ZNF611: variants seen among roughly 807,000 people sequenced by gnomAD.
ZNF611 encodes the protein zinc finger protein 611.
Under a neutral mutation model 8.9 loss-of-function variants are expected in ZNF611, and 6 were observed. That is an observed-to-expected ratio of 0.68 (90% CI 0.37 to 1.34). The LOEUF is 1.34. Among genes scored for constraint, ZNF611 ranks in the 40% most tolerant of loss-of-function variants. ZNF611 has a pLI of 0.02. For synonymous variants in ZNF611, 262 were observed against 279.7 expected (o/e 0.94, Z 0.63); for missense variants, 874 against 841.3 (o/e 1.04, Z -0.48).
chr19:52,734,743 G>C (rs2062447231), intron 1 of ZNF611, among the ~76,000 whole-genome samples: 1 of 151,726 alleles, frequency 6.6e-6, no homozygotes, highest in Non-Finnish European at 1.5e-5. Flanking sequence ...GTCAGAACAA[G>C]GTTTTCAGCA....
intron 3 of ZNF611, 72 bp from the exon 4 acceptor site, chr19:52,715,985 C>T (rs1054966155): frequency 2.7e-5 from 42 of 1,552,374 alleles, no homozygotes; most frequent in Admixed American, 8.8e-5. Flanking sequence ...AACACACGAA[C>T]GGGGGAGACG....
chr19:52,719,843 A>G (rs2062342756), intron 3 of ZNF611, among the ~76,000 whole-genome samples: 1 of 152,168 alleles, frequency 6.6e-6, no homozygotes, highest in South Asian at 2.1e-4. Context: ...TCATACGACA[A>G]TAGTGGAGAG....
Position 52,706,114 on chromosome 19 carries a change from C to T in ZNF611, c.941G>A (p.Arg314His), listed in dbSNP as rs144132013. 320 of 1,613,826 alleles carry T rather than the reference C, an allele frequency of 2.0e-4. No individual in the cohort carries two copies. The African/African-American group carries it at 3.3e-3, about 17-fold the overall frequency. ...CHRRLHTGVK[R>H]YNCNECGKIF... ...CTTGCCACACTCATTACAATTGTAA[C>T]GTTTTACTCCAGTATGAAGTCTACG... Residue 314 changes from arginine to histidine, a missense_variant, in exon 6 of 6, where the codon CGT becomes CAT. Transcript: ENST00000652185.
chr19:52,732,256 C>T (rs575225883), intron 1 of ZNF611, among the ~76,000 whole-genome samples: 2 of 151,760 alleles, frequency 1.3e-5, no homozygotes, highest in South Asian at 4.2e-4. Context: ...GGTGACAGAG[C>T]AAAACTCCAT....
chr19:52,731,539 T>C (rs1358897102), intron 1 of ZNF611, among the ~76,000 whole-genome samples: 1 of 146,750 alleles, frequency 6.8e-6, no homozygotes. Flanking sequence ...AATTTTTGTA[T>C]TTTTTTTTTT....
At chr19:52,734,538 G>GA (rs1428718115) in intron 1 of ZNF611, among the ~76,000 whole-genome samples, 2 of 17,808 alleles carry the variant, frequency 1.1e-4, no homozygotes, top group Non-Finnish European at 2.4e-4. Context: ...GTGCGGGGCG[G>GA]GGGGGGGGGG....
chr19:52,712,809 G>A (rs754219067), intron 5 of ZNF611, among the ~76,000 whole-genome samples: 1 of 152,150 alleles, frequency 6.6e-6, no homozygotes, highest in African/African-American at 2.4e-5. Flanking sequence ...ATAGTAAAGA[G>A]AAGAAACCAA....
intron 3 of ZNF611, among the ~76,000 whole-genome samples, chr19:52,725,052 C>G (rs1374754194): frequency 6.6e-6 from 1 of 152,178 alleles, no homozygotes; most frequent in Non-Finnish European, 1.5e-5. Flanking sequence ...GTCCCTCTCT[C>G]TATCTCCTCA....
intron 5 of ZNF611, chr19:52,707,682 T>C (rs1204322775): frequency 6.6e-6 from 1 of 152,124 alleles, no homozygotes. Flanking sequence ...CACTCCAGCT[T>C]GGAGTGCCAT....
At chr19:52,732,276 G>A (rs1340691155) in intron 1 of ZNF611, among the ~76,000 whole-genome samples, 1 of 151,520 alleles carries the variant, frequency 6.6e-6, no homozygotes, top group Non-Finnish European at 1.5e-5. Context: ...TCTCAAAAAA[G>A]AAAAAAGAAA....
intron 1 of ZNF611, among the ~76,000 whole-genome samples, chr19:52,731,926 A>T (rs2062428165): frequency 6.6e-6 from 1 of 151,164 alleles, no homozygotes; most frequent in African/African-American, 2.4e-5. Flanking sequence ...AGCTGAGATC[A>T]TGCCATCGCA....
In ZNF611 at chr19:52,705,396, C is replaced by T; in HGVS notation, c.1659G>A (p.Leu553=). ...CACTATGAATTCTAGTATGTTTTGCCAGATAGGAATGACACGCAAAAGCCT... is the reference window on the plus strand; with the variant it reads ...CACTATGAATTCTAGTATGTTTTGCTAGATAGGAATGACACGCAAAAGCCT... The part of the protein sequence containing the change: ...CDKAFACHSY[L]AKHTRIHSGE... Residue 553 remains leucine (L), a synonymous_variant, in exon 6 of 6, where the codon CTG becomes CTA. Transcript: ENST00000652185. 3 of 1,613,992 alleles carry T rather than the reference C, an allele frequency of 1.9e-6. No homozygotes were observed. Among genetic ancestry groups the T allele is most frequent in the Non-Finnish European group, 2.5e-6 (3 of 1,180,018 alleles).
Position 52,705,209 on chromosome 19 carries a change from G to C in ZNF611, c.1846C>G (p.His616Asp). The C allele has an allele frequency of 6.2e-7, 1 of 1,614,162 alleles. No homozygotes were observed. Among genetic ancestry groups the C allele is most frequent in the Non-Finnish European group, 8.5e-7 (1 of 1,180,024 alleles). ...RSSLHCHRRLHSGEKPYKCNE... is the reference protein window; with the variant it reads ...RSSLHCHRRLDSGEKPYKCNE... Reference sequence around the variant, plus strand: ...CACTTGTAAGGTTTCTCACCACTATGAAGTCTACGATGGCAATGAAGGGAT... The same window carrying C: ...CACTTGTAAGGTTTCTCACCACTATCAAGTCTACGATGGCAATGAAGGGAT... Residue 616 changes from histidine to aspartate, a missense_variant, in exon 6 of 6, where the codon CAT (histidine) becomes GAT (aspartate). By Grantham distance (81) the His-to-Asp change is moderately conservative. Transcript: ENST00000652185.
intron 3 of ZNF611, among the ~76,000 whole-genome samples, chr19:52,719,427 G>C (rs555066219): frequency 3.8e-4 from 58 of 152,280 alleles, no homozygotes; most frequent in Non-Finnish European, 6.2e-4. Flanking sequence ...TGGCTGAAGA[G>C]GGGTTGCAGA....
chr19:52,727,809 A>C (rs550360367), intron 3 of ZNF611, among the ~76,000 whole-genome samples: 41 of 152,252 alleles, frequency 2.7e-4, no homozygotes, highest in Non-Finnish European at 5.4e-4. Context: ...CAAGGCTCAG[A>C]ATTATTTACA....
chr19:52,720,747 G>A (rs2062352747), intron 3 of ZNF611, among the ~76,000 whole-genome samples: 1 of 149,972 alleles, frequency 6.7e-6, no homozygotes, highest in Admixed American at 6.6e-5. Flanking sequence ...CAGACGGGGT[G>A]GCCAGGCAGA....
At chr19:52,717,711 C>A (rs1341764968) in intron 3 of ZNF611, 8 of 984,102 alleles carry the variant, frequency 8.1e-6, no homozygotes, top group Non-Finnish European at 9.6e-6. Context: ...ATATTATGGA[C>A]CAGAGGGAAT....
rs1206051061 is a variant in ZNF611 at position 52,734,292 on chromosome 19, C to A, written c.-222+709G>T. ...TTTCTTATTCTTCTTTTCTCTGCCTCAGGTTTTCTACTGCTCTCTGTCTCC... is the reference window on the plus strand; with the variant it reads ...TTTCTTATTCTTCTTTTCTCTGCCTAAGGTTTTCTACTGCTCTCTGTCTCC... On this transcript the variant is annotated intron_variant, in intron 1 of 5. Coordinates refer to ENST00000652185, the MANE Select transcript of ZNF611 (RefSeq NM_001161499.2). 2.0e-5 allele frequency among the ~76,000 whole-genome samples: 3 copies of A among 151,416 alleles called. No homozygotes were observed. In the East Asian group the frequency reaches 5.8e-4, roughly 29 times the overall value.
intron 3 of ZNF611, 125 bp from the exon 4 acceptor site, chr19:52,716,038 G>T: frequency 3.7e-6 from 4 of 1,073,466 alleles, no homozygotes; most frequent in Non-Finnish European, 5.4e-6. Context: ...CTGCACCAGA[G>T]ATCATGCAGA....
Sources: gnomAD v4.1 joint callset for allele counts (sites outside exome capture counted in the v4.1 genomes callset) on GRCh38, gnomAD v4.1.1 for gene constraint, MANE v1.5 for transcripts, NCBI Gene and HGNC (gene_info 2026-07-23, HGNC 2026-07-21) for gene names.